The following ROBO3 variants were observed in gnomAD, a reference collection of about 807,000 sequenced individuals.
ROBO3 encodes roundabout guidance receptor 3, also known as roundabout homolog 3.
A neutral mutation model predicts 160.5 loss-of-function variants in ROBO3; 97 were observed. That is an observed-to-expected ratio of 0.60 (90% CI 0.51 to 0.72). The LOEUF is 0.72. Among genes scored for constraint, ROBO3 ranks in the 30% least tolerant of loss-of-function variants. The pLI is 0.00. For missense variants in ROBO3, 1,858 were observed against 1,846.5 expected (o/e 1.01, Z -0.11); for synonymous variants, 780 against 746.2 (o/e 1.05, Z -0.74).
Position 124,869,428 on chromosome 11 carries a change from C to CGCCGG in ROBO3, c.488-19_488-18insGGGCC. 7.2e-7 allele frequency: 1 copy of CGCCGG among 1,383,818 alleles called. No homozygotes were observed. Among genetic ancestry groups the CGCCGG allele is most frequent in the Non-Finnish European group, 9.9e-7 (1 of 1,012,436 alleles). The allele number at this position is 1,383,818 out of a possible 1,614,324, so 85.7% of individuals were successfully genotyped here. On this transcript the variant is annotated intron_variant, in intron 2 of 27. Transcript: ENST00000397801. This position sits in a 1 kb window ranked among gnomAD's most constrained non-coding sequence, Gnocchi z 4.2. ...ATGTCACTCTACACCCTGCTTATTT[C>CGCCGG]GCCCCCCACCGCCCCGCCCAGTCCT...
At position 124,865,816 on chromosome 11, in the gene ROBO3, C is replaced by G. The variant is rs1591505904; in HGVS notation, c.160+79C>G. 2 of 1,437,576 alleles carry G rather than the reference C, an allele frequency of 1.4e-6. No homozygotes were observed. The highest frequency in any genetic ancestry group is 1.9e-6 in the Non-Finnish European group (2 of 1,074,754). 89.1% of individuals were successfully genotyped at this position (1,437,576 alleles called of 1,614,324 possible). On this transcript the variant is annotated intron_variant, in intron 1 of 27. Coordinates refer to ENST00000397801, the MANE Select transcript of ROBO3 (RefSeq NM_022370.4). This position sits in a 1 kb window ranked among gnomAD's most constrained non-coding sequence, Gnocchi z 5.5. ...GGGCGGCGTGGAAGGGAAGGAGAAG[C>G]GCTCCTGTCCCGAGGTCCGGGATTG...
At position 124,871,045 on chromosome 11, in the gene ROBO3, C is replaced by G. The variant is rs2135327437; in HGVS notation, c.1065C>G (p.Asp355Glu). 6.2e-7 allele frequency: 1 copy of G among 1,610,180 alleles called. No homozygotes were observed. Among genetic ancestry groups the G allele is most frequent in the Non-Finnish European group, 8.5e-7 (1 of 1,176,730 alleles). The change falls in exon 7 of 28, where the codon GAC (aspartate) becomes GAG (glutamate). Residue 355 changes from aspartate (D) to glutamate (E), a missense_variant. Transcript: ENST00000397801. ...CCCAGTTGGTGACCCAGCCCCAGGA[C>G]CAGATGGCAGCTCCTGGAGAGAGCG... ...VPPQLVTQPQ[D>E]QMAAPGESVA...
At chr11:124,868,427 G>T in intron 1 of ROBO3, 1 of 555,924 alleles carries the variant, frequency 1.8e-6, no homozygotes, top group Non-Finnish European at 3.2e-6. Flanking sequence ...AGTGCAGGTG[G>T]AGATGGAAAC....
At position 124,878,278 on chromosome 11, in the gene ROBO3, C is replaced by T. The variant is rs1416419822; in HGVS notation, c.3182-20C>T. On this transcript the variant is annotated intron_variant, in intron 21 of 27. Transcript: ENST00000397801. The surrounding 1 kb of genome is among the most constrained non-coding windows in gnomAD (Gnocchi z 4.3). ...TCTTTCCTGCCTGTTCTCCGGGTGTCCCCATCCTATTCTCCTCAGGAGCCA... is the reference window on the plus strand; with the variant it reads ...TCTTTCCTGCCTGTTCTCCGGGTGTTCCCATCCTATTCTCCTCAGGAGCCA... 1.2e-6 allele frequency: 2 copies of T among 1,611,148 alleles called. No individual in the cohort carries two copies. Among genetic ancestry groups the T allele is most frequent in the Admixed American group, 3.4e-5 (2 of 59,648 alleles).
intron 15 of ROBO3, 38 bp downstream of exon 15, chr11:124,875,723 G>A: frequency 6.3e-7 from 1 of 1,574,856 alleles, no homozygotes; most frequent in Non-Finnish European, 8.6e-7. Flanking sequence ...GGAGGGCCAG[G>A]CCGGGAGGGA....
intron 5 of ROBO3, 95 bp from the exon 6 acceptor site, chr11:124,870,506 T>A: frequency 3.8e-6 from 6 of 1,576,002 alleles, no homozygotes; most frequent in Non-Finnish European, 5.2e-6. Flanking sequence ...GGGTCCTGCC[T>A]GTCTTTAAGT....
rs186989674 is a variant in ROBO3, at chr11:124,881,243, C to T, written c.4154C>T (p.Pro1385Leu). The change falls in exon 28 of 28, where the codon CCA becomes CTA. Residue 1385 changes from proline (P) to leucine (L), a missense_variant. Pro to Leu is a moderately conservative substitution (Grantham distance 98). Transcript: ENST00000397801. ...QRPGQKRREE[P>L]R ...CATCTCTCTCTCTCTCCCTAGGAAC[C>T]AAGATGACCCTTGTTGGGGCATTGA... 288 of 1,605,572 alleles carry T rather than the reference C, an allele frequency of 1.8e-4. 2 individuals are homozygous for T. In the Admixed American group the frequency reaches 4.8e-3, roughly 27 times the overall value.
At chr11:124,880,027 C>A in intron 26 of ROBO3, 79 bp downstream of exon 26, 1 of 1,325,008 alleles carries the variant, frequency 7.5e-7, no homozygotes, top group Non-Finnish European at 1.0e-6. Flanking sequence ...GATAGTAGAC[C>A]AGCTCAGCCC....
In ROBO3 at chr11:124,880,459, C is replaced by T. The variant is rs374478103; in HGVS notation, c.4000C>T (p.Arg1334Trp). 97 of 1,611,678 alleles carry T rather than the reference C, an allele frequency of 6.0e-5. No individual in the cohort carries two copies. The highest frequency in any genetic ancestry group is 1.6e-4 in the Middle Eastern group (1 of 6,078). Residue 1334 changes from arginine (R) to tryptophan (W), a missense_variant, in exon 27 of 28, where the codon CGG (arginine) becomes TGG (tryptophan). Transcript: ENST00000397801. Reference protein sequence around the residue: ...LPYSRPSFLSRGQGTSTCSTA... With the variant: ...LPYSRPSFLSWGQGTSTCSTA... ...ATACAGCAGACCAAGCTTCCTGTCCCGGGGCCAGGGCACCAGCACATGTTC... is the reference window on the plus strand; with the variant it reads ...ATACAGCAGACCAAGCTTCCTGTCCTGGGGCCAGGGCACCAGCACATGTTC...
In ROBO3 at chr11:124,880,476, C is replaced by A. The variant is rs972185683; in HGVS notation, c.4017C>A (p.Ser1339Arg). 1 of 1,608,544 alleles carries A rather than the reference C, an allele frequency of 6.2e-7. No individual in the cohort carries two copies. The highest frequency in any genetic ancestry group is 2.2e-5 in the East Asian group (1 of 44,792). Residue 1339 changes from serine to arginine, a missense_variant, in exon 27 of 28, where the codon AGC becomes AGA. By Grantham distance (110) the Ser-to-Arg change is moderately radical. Transcript: ENST00000397801. ...TCCTGTCCCGGGGCCAGGGCACCAGCACATGTTCCACGGCCGGCAGCAACT... is the reference window on the plus strand; with the variant it reads ...TCCTGTCCCGGGGCCAGGGCACCAGAACATGTTCCACGGCCGGCAGCAACT... Reference protein sequence around the residue: ...PSFLSRGQGTSTCSTAGSNSS... With the variant: ...PSFLSRGQGTRTCSTAGSNSS...
In ROBO3 at chr11:124,869,304, C is replaced by A; in HGVS notation, c.488-146C>A. 1 of 1,088,904 alleles carries A rather than the reference C, an allele frequency of 9.2e-7. No individual in the cohort carries two copies. The highest frequency in any genetic ancestry group is 1.4e-6 in the Non-Finnish European group (1 of 728,846). The allele number at this position is 1,088,904 out of a possible 1,614,324, so 67.5% of individuals were successfully genotyped here. A position where few individuals can be genotyped will look rare whatever the true frequency, so the allele number is the denominator to read the frequency against. On this transcript the variant is annotated intron_variant, in intron 2 of 27. Transcript: ENST00000397801. This position sits in a 1 kb window ranked among gnomAD's most constrained non-coding sequence, Gnocchi z 4.2. ...ACCACGGCCAGAGAAGGAAGTGGAT[C>A]TGACTCCAGGCTGATATTTTCTCAC...
intron 1 of ROBO3, among the ~76,000 whole-genome samples, chr11:124,866,286 C>T (rs529585676): frequency 6.6e-6 from 1 of 152,352 alleles, no homozygotes; most frequent in South Asian, 2.1e-4. Context: ...CGGCGGGACT[C>T]TCAGCCGGCC....
rs771701205 is a variant in ROBO3, at chr11:124,869,049, G to T, written c.408G>T (p.Pro136=). 1 of 1,602,826 alleles carries T rather than the reference G, an allele frequency of 6.2e-7. No individual in the cohort carries two copies. Among genetic ancestry groups the T allele is most frequent in the South Asian group, 1.1e-5 (1 of 89,198 alleles). Residue 136 remains proline, a synonymous_variant, in exon 2 of 28, where the codon CCG becomes CCT. Transcript: ENST00000397801. This position sits in a 1 kb window ranked among gnomAD's most constrained non-coding sequence, Gnocchi z 4.2. ...TCGTGCACGGGCGCCGCGCGCGGCC[G>T]GACGAAGGTGTCTACACTTGCGTGG... ...PRIVHGRRAR[P]DEGVYTCVAR... is the part of the protein sequence containing the mutation.
chr11:124,870,493 G>A (rs1187870581), intron 5 of ROBO3, 108 bp from the exon 6 acceptor site: 16 of 1,548,948 alleles, frequency 1.0e-5, no homozygotes, highest in Non-Finnish European at 1.4e-5. Context: ...TTCTGTCCCT[G>A]CTGGGTCCTG....
Position 124,872,431 on chromosome 11 carries a change from G to A in ROBO3, c.1209G>A (p.Val403=). 6.2e-7 allele frequency: 1 copy of A among 1,613,980 alleles called. No individual in the cohort carries two copies. The highest frequency in any genetic ancestry group is 2.2e-5 in the East Asian group (1 of 44,876). Reference sequence around the variant, plus strand: ...TTCAGCCGACGGGGCGCTTCTCAGTGTCTCCAAGAGGCCAACTTAACATCA... The same window carrying A: ...TTCAGCCGACGGGGCGCTTCTCAGTATCTCCAAGAGGCCAACTTAACATCA... ...QSLQPTGRFS[V]SPRGQLNITA... Residue 403 remains valine (V), a synonymous_variant, in exon 8 of 28, where the codon GTG becomes GTA. Transcript: ENST00000397801. The surrounding 1 kb of genome is among the most constrained non-coding windows in gnomAD (Gnocchi z 4.3).
At chr11:124,874,350 G>A in intron 12 of ROBO3, 114 bp downstream of exon 12, 1 of 972,542 alleles carries the variant, frequency 1.0e-6, no homozygotes, top group South Asian at 1.8e-5. Flanking sequence ...GCTATGCCAG[G>A]TCTATACTGG....
chr11:124,873,433 T>C lies in ROBO3; in HGVS notation c.1618+42T>C. 1 of 1,524,972 alleles carries C rather than the reference T, an allele frequency of 6.6e-7. No individual in the cohort carries two copies. The highest frequency in any genetic ancestry group is 9.0e-7 in the Non-Finnish European group (1 of 1,112,338). The allele number at this position is 1,524,972 out of a possible 1,614,324, so 94.5% of individuals were successfully genotyped here. On this transcript the variant is annotated intron_variant, in intron 10 of 27. Transcript: ENST00000397801. The surrounding 1 kb of genome is among the most constrained non-coding windows in gnomAD (Gnocchi z 4.5). ...TTCCCTTATTTTGATAATACCTTCC[T>C]CCAAACCTGCTTCAACAGGTAGTCG...
At position 124,872,834 on chromosome 11, in the gene ROBO3, G is replaced by C. The variant is rs147451200; in HGVS notation, c.1331-50G>C. 1 of 1,442,240 alleles carries C rather than the reference G, an allele frequency of 6.9e-7. No homozygotes were observed. Among genetic ancestry groups the C allele is most frequent in the South Asian group, 1.4e-5 (1 of 71,534 alleles). 89.3% of individuals were successfully genotyped at this position (1,442,240 alleles called of 1,614,324 possible). On this transcript the variant is annotated intron_variant, in intron 8 of 27. Transcript: ENST00000397801. This position sits in a 1 kb window ranked among gnomAD's most constrained non-coding sequence, Gnocchi z 4.3. Reference sequence around the variant, plus strand: ...AGAGAATGAGGACAAGGGGCTGCCCGCGGGGCCCTAAGCTCCTCCCCTGAG... The same window carrying C: ...AGAGAATGAGGACAAGGGGCTGCCCCCGGGGCCCTAAGCTCCTCCCCTGAG...
At chr11:124,881,203 G>A (rs1407021751) in intron 27 of ROBO3, 36 bp from the exon 28 acceptor site, 1 of 1,597,336 alleles carries the variant, frequency 6.3e-7, no homozygotes, top group Non-Finnish European at 8.5e-7. Flanking sequence ...CCTGGGCCAG[G>A]GTTTTACAAA....
Sources: gnomAD v4.1 joint callset for allele counts (sites outside exome capture counted in the v4.1 genomes callset) on GRCh38, gnomAD v4.1.1 for gene constraint, Gnocchi (gnomAD v3.1) non-coding constraint, MANE v1.5 for transcripts, NCBI Gene and HGNC (gene_info 2026-07-23, HGNC 2026-07-21) for gene names.